The following CORO2B variants were observed in gnomAD, a reference collection of about 807,000 sequenced individuals.
CORO2B encodes coronin 2B.
Under a neutral mutation model 58.8 loss-of-function variants are expected in CORO2B, and 26 were observed. The ratio of observed to expected loss-of-function variants is 0.44; its 90% CI spans 0.32 to 0.61. CORO2B has a LOEUF of 0.61. Ranked by LOEUF, CORO2B falls within the 20% of genes least tolerant of loss-of-function variation. The probability of loss-of-function intolerance (pLI) is 0.04; values close to 1 mark genes in which losing one functional copy is unlikely to be tolerated. For missense variants in CORO2B, 460 were observed against 645.1 expected (o/e 0.71, Z 3.11); for synonymous variants, 242 against 253.8 (o/e 0.95, Z 0.44).
intron 2 of CORO2B, among the ~76,000 whole-genome samples, chr15:68,693,923 C>T (rs1892447477): frequency 6.6e-6 from 1 of 152,222 alleles, no homozygotes; most frequent in Non-Finnish European, 1.5e-5. Flanking sequence ...GCAACCTCCG[C>T]CTCCTGGGTT....
At chr15:68,590,019 C>T (rs1175159994) in intron 1 of CORO2B, among the ~76,000 whole-genome samples, 3 of 152,202 alleles carry the variant, frequency 2.0e-5, no homozygotes, top group African/African-American at 7.2e-5. Flanking sequence ...ACTGGGCTGC[C>T]AGCAATCTTT....
At chr15:68,667,068 C>G (rs1172433251) in intron 2 of CORO2B, among the ~76,000 whole-genome samples, 1 of 152,092 alleles carries the variant, frequency 6.6e-6, no homozygotes, top group Non-Finnish European at 1.5e-5. Flanking sequence ...CCAGGCTCCC[C>G]GCTCCTGATC....
the CORO2B span, among the ~76,000 whole-genome samples, chr15:68,548,580 C>A: frequency 6.6e-6 from 1 of 152,182 alleles, no homozygotes; most frequent in Non-Finnish European, 1.5e-5. Context: ...GAAAGTTTCT[C>A]TAGGAATATA....
At chr15:68,695,346 C>A in intron 3 of CORO2B, 90 bp downstream of exon 3, 1 of 904,078 alleles carries the variant, frequency 1.1e-6, no homozygotes, top group Non-Finnish European at 1.8e-6. Context: ...CCCTCCTCCA[C>A]CCTTTGCCCT....
At chr15:68,605,432 A>G (rs1900086375) in intron 1 of CORO2B, among the ~76,000 whole-genome samples, 1 of 152,234 alleles carries the variant, frequency 6.6e-6, no homozygotes, top group Non-Finnish European at 1.5e-5. Context: ...ATTGGGAACA[A>G]AATAAAGGCC....
intron 2 of CORO2B, among the ~76,000 whole-genome samples, chr15:68,674,876 A>G (rs552804588): frequency 2.0e-5 from 3 of 152,254 alleles, no homozygotes; most frequent in Admixed American, 1.3e-4. Flanking sequence ...ACAGTGACCA[A>G]TATTATCTCC....
chr15:68,557,406 A>G, the CORO2B span, among the ~76,000 whole-genome samples: 2 of 152,220 alleles, frequency 1.3e-5, no homozygotes, highest in African/African-American at 4.8e-5. Flanking sequence ...ATTCAAGGTC[A>G]TAACAAGGCT....
chr15:68,672,723 A>T (rs952938438), intron 2 of CORO2B, among the ~76,000 whole-genome samples: 2 of 152,174 alleles, frequency 1.3e-5, no homozygotes, highest in African/African-American at 4.8e-5. Flanking sequence ...TCTGGGATGG[A>T]GTGGCCTAGG....
At chr15:68,647,059 A>G (rs540526272) in intron 2 of CORO2B, among the ~76,000 whole-genome samples, 1 of 152,342 alleles carries the variant, frequency 6.6e-6, no homozygotes, top group East Asian at 1.9e-4. Context: ...ACAAGGGTCA[A>G]CAAGCAATAC....
At chr15:68,701,099 T>G (rs1057086326) in intron 3 of CORO2B, among the ~76,000 whole-genome samples, 1 of 152,044 alleles carries the variant, frequency 6.6e-6, no homozygotes, top group Non-Finnish European at 1.5e-5. Flanking sequence ...CTCTTGGAGC[T>G]GGAAGGGAGT....
intron 2 of CORO2B, among the ~76,000 whole-genome samples, chr15:68,686,727 C>T (rs1359299679): frequency 6.6e-6 from 1 of 151,832 alleles, no homozygotes; most frequent in African/African-American, 2.4e-5. Context: ...GGTGAAACCC[C>T]GTCTCTACTA....
intron 1 of CORO2B, among the ~76,000 whole-genome samples, chr15:68,629,390 A>T (rs1305321908): frequency 6.6e-6 from 1 of 152,206 alleles, no homozygotes; most frequent in African/African-American, 2.4e-5. Context: ...TTGGAGGAAG[A>T]GGCGCCTTTC....
At chr15:68,689,724 T>C (rs1044409749) in intron 2 of CORO2B, among the ~76,000 whole-genome samples, 3 of 152,224 alleles carry the variant, frequency 2.0e-5, no homozygotes, top group African/African-American at 7.2e-5. Flanking sequence ...GGGGAGAAGA[T>C]TGCTGACATT....
intron 2 of CORO2B, among the ~76,000 whole-genome samples, chr15:68,652,124 C>G (rs1185490220): frequency 2.0e-5 from 3 of 152,220 alleles, no homozygotes; most frequent in Non-Finnish European, 4.4e-5. Flanking sequence ...ATCCATGATT[C>G]TTTCCACCAC....
chr15:68,559,032 C>G, the CORO2B span, among the ~76,000 whole-genome samples: 1 of 152,070 alleles, frequency 6.6e-6, no homozygotes, highest in Admixed American at 6.5e-5. The surrounding 1 kb of genome is among the most constrained non-coding windows in gnomAD (Gnocchi z 4.3). Flanking sequence ...TAAATATGTT[C>G]GGAGATCCTA....
chr15:68,573,752 C>T, the CORO2B span, among the ~76,000 whole-genome samples: 1 of 152,208 alleles, frequency 6.6e-6, no homozygotes, highest in African/African-American at 2.4e-5. Flanking sequence ...CAGTCCCCGT[C>T]CTCAAGCCGG....
intron 2 of CORO2B, among the ~76,000 whole-genome samples, chr15:68,658,501 G>C (rs978171527): frequency 6.6e-6 from 1 of 152,256 alleles, no homozygotes; most frequent in Non-Finnish European, 1.5e-5. Context: ...GCAGGGAAGA[G>C]TCTGGTTGCT....
rs867917900 is a variant in CORO2B, at chr15:68,633,235, G to A, written c.16-11925G>A. On this transcript the variant is annotated intron_variant, in intron 1 of 11. Transcript: ENST00000261861. ...CCCTTGTGAACTGGGGGAACAGAGG[G>A]CATTGTAGGGGAACTGTTGGCCACA... 2.0e-5 allele frequency among the ~76,000 whole-genome samples: 3 copies of A among 151,834 alleles called. No homozygotes were observed. In the South Asian group the frequency reaches 6.3e-4, roughly 32 times the overall value.
chr15:68,724,245 T>C (rs1893238635), intron 11 of CORO2B, among the ~76,000 whole-genome samples: 1 of 152,108 alleles, frequency 6.6e-6, no homozygotes, highest in African/African-American at 2.4e-5. Context: ...AACATATACA[T>C]TCATTTAGCA....
Sources: gnomAD v4.1 joint callset for allele counts (sites outside exome capture counted in the v4.1 genomes callset) on GRCh38, gnomAD v4.1.1 for gene constraint, Gnocchi (gnomAD v3.1) non-coding constraint, MANE v1.5 for transcripts, NCBI Gene and HGNC (gene_info 2026-07-23, HGNC 2026-07-21) for gene names.